TSPAN32: variants seen among roughly 807,000 people sequenced by gnomAD.
TSPAN32 encodes the protein tetraspanin-32.
In TSPAN32, 47 loss-of-function variants were observed where a neutral mutation model predicts 42.7. That is an observed-to-expected ratio of 1.10 (90% confidence interval 0.87 to 1.40). The LOEUF is 1.40. Among genes scored for constraint, TSPAN32 ranks in the 40% most tolerant of loss-of-function variants. The pLI is 0.00. For synonymous variants in TSPAN32, 175 were observed against 175.9 expected (o/e 0.99, Z 0.04); for missense variants, 469 against 424.1 (o/e 1.11, Z -0.93).
In TSPAN32 at chr11:2,316,582, G is replaced by A. The variant is rs778304554; in HGVS notation, c.634G>A (p.Ala212Thr). ...GCGGGTGTCTCCCTCCCAGGTGTCC[G>A]CCTTGCTCTTCAGCTCCTTCCTGTG... ...TSIGLALTVS[A>T]LLFSSFLWFA... The change falls in exon 8 of 10, where the codon GCC (alanine) becomes ACC (threonine). Residue 212 changes from alanine to threonine, a missense_variant. By Grantham distance (58) the Ala-to-Thr change is moderately conservative. Transcript: ENST00000182290. 82 of 1,586,640 alleles carry A rather than the reference G, an allele frequency of 5.2e-5. No homozygotes were observed. The Admixed American group carries it at 9.4e-4, about 18-fold the overall frequency.
intron 4 of TSPAN32, among the ~76,000 whole-genome samples, chr11:2,311,228 A>G (rs1023964911): frequency 2.0e-5 from 3 of 151,690 alleles, no homozygotes; most frequent in Non-Finnish European, 4.4e-5. Context: ...GTGGCCACAG[A>G]CCCGGGCCCA....
chr11:2,307,728 T>C lies in TSPAN32; in HGVS notation c.280-1008T>C, dbSNP rs757459468. 6.4e-4 allele frequency among the ~76,000 whole-genome samples: 97 copies of C among 150,710 alleles called. No homozygotes were observed. In the Middle Eastern group the frequency reaches 0.02, roughly 32 times the overall value. On this transcript the variant is annotated intron_variant, in intron 3 of 9. Coordinates refer to ENST00000182290, the MANE Select transcript of TSPAN32 (RefSeq NM_139022.3). ...ACAACGGGCAAGTGCCGGGGGCGGG[T>C]GCGCAGACGTTTCCACCAGAGAACG... is the stretch of plus-strand genomic sequence containing the variant.
At chr11:2,315,226 A>G in intron 6 of TSPAN32, 1 of 1,195,796 alleles carries the variant, frequency 8.4e-7, no homozygotes, top group East Asian at 8.1e-5. Context: ...TCCTGGAAAC[A>G]AACCCACCCT....
intron 3 of TSPAN32, among the ~76,000 whole-genome samples, chr11:2,307,482 C>T (rs1388113445): frequency 6.6e-6 from 1 of 152,126 alleles, no homozygotes; most frequent in Non-Finnish European, 1.5e-5. Context: ...GCTAGACTCA[C>T]CGTCAGGTAC....
At chr11:2,308,143 G>T (rs1057451704) in intron 3 of TSPAN32, among the ~76,000 whole-genome samples, 1 of 152,126 alleles carries the variant, frequency 6.6e-6, no homozygotes, top group Admixed American at 6.5e-5. Flanking sequence ...CCATCAACAG[G>T]CCCCTGGGGG....
At chr11:2,307,195 G>T (rs1045930159) in intron 3 of TSPAN32, among the ~76,000 whole-genome samples, 1 of 152,144 alleles carries the variant, frequency 6.6e-6, no homozygotes, top group Non-Finnish European at 1.5e-5. Flanking sequence ...CTGTGCTTGG[G>T]GGCCAGCAGG....
At chr11:2,306,775 A>G in intron 3 of TSPAN32, among the ~76,000 whole-genome samples, 1 of 124,936 alleles carries the variant, frequency 8.0e-6, no homozygotes, top group Non-Finnish European at 1.7e-5. Context: ...AGGAGGGAGA[A>G]AGAGGGAGAG....
intron 4 of TSPAN32, chr11:2,309,173 G>T (rs1020616161): frequency 5.1e-6 from 2 of 389,154 alleles, no homozygotes. Context: ...GGCCTTAGGG[G>T]TTGACTAGAA....
In TSPAN32 at chr11:2,314,521, C is replaced by G; in HGVS notation, c.493C>G (p.Leu165Val). The G allele has an allele frequency of 6.2e-7, 1 of 1,612,600 alleles. No individual in the cohort carries two copies. Among genetic ancestry groups the G allele is most frequent in the South Asian group, 1.1e-5 (1 of 90,554 alleles). Reference protein sequence around the residue: ...CCGKKSPFSRLGSTEADLCQG... With the variant: ...CCGKKSPFSRVGSTEADLCQG... ...TGGGAAGAAGTCTCCTTTCAGCCGTCTGGGGAGCACAGAGGCTGACCTGTG... is the reference window on the plus strand; with the variant it reads ...TGGGAAGAAGTCTCCTTTCAGCCGTGTGGGGAGCACAGAGGCTGACCTGTG... The change falls in exon 6 of 10, where the codon CTG becomes GTG. Residue 165 changes from leucine (L) to valine (V), a missense_variant. Coordinates refer to ENST00000182290, the MANE Select transcript of TSPAN32 (RefSeq NM_139022.3).
Position 2,308,696 on chromosome 11 carries a change from G to C in TSPAN32, c.280-40G>C, listed in dbSNP as rs771651826. The C allele has an allele frequency of 2.5e-6, 3 of 1,194,464 alleles. No individual in the cohort carries two copies. In the East Asian group the frequency reaches 7.9e-5, roughly 31 times the overall value. The allele number at this position is 1,194,464 out of a possible 1,614,324, so 74.0% of individuals were successfully genotyped here. A position where few individuals can be genotyped will look rare whatever the true frequency, so the allele number is the denominator to read the frequency against. ...CCAGCAGCGACCAGCCCCCCGCAGTGACCAGCCCTCAACAGTGACCAGCCC... is the reference window on the plus strand; with the variant it reads ...CCAGCAGCGACCAGCCCCCCGCAGTCACCAGCCCTCAACAGTGACCAGCCC... On this transcript the variant is annotated intron_variant, in intron 3 of 9. Coordinates refer to ENST00000182290, the MANE Select transcript of TSPAN32 (RefSeq NM_139022.3).
At position 2,304,088 on chromosome 11, in the gene TSPAN32, C is replaced by A; in HGVS notation, c.182-19C>A. 2 of 1,561,138 alleles carry A rather than the reference C, an allele frequency of 1.3e-6. No homozygotes were observed. The highest frequency in any genetic ancestry group is 1.7e-6 in the Non-Finnish European group (2 of 1,151,310). ...TGTCCTGGGCACCCCTAACCCTCCT[C>A]CTCTCTCCTCCCAACCAGCCTTCTC... On this transcript the variant is annotated intron_variant, in intron 2 of 9. Coordinates refer to ENST00000182290, the MANE Select transcript of TSPAN32 (RefSeq NM_139022.3). This position sits in a 1 kb window ranked among gnomAD's most constrained non-coding sequence, Gnocchi z 4.8.
rs377749004 is a variant in TSPAN32 at position 2,313,065 on chromosome 11, G to A, written c.355-589G>A. 3.9e-5 allele frequency among the ~76,000 whole-genome samples: 6 copies of A among 152,160 alleles called. No homozygotes were observed. The highest frequency in any genetic ancestry group is 9.7e-5 in the African/African-American group (4 of 41,442). ...CAGGCAGCACATCCAGCCAGGCCCC[G>A]TCACCTTCCACCTTCTTCACCCCCT... On this transcript the variant is annotated intron_variant, in intron 4 of 9. Transcript: ENST00000182290. This position sits in a 1 kb window ranked among gnomAD's most constrained non-coding sequence, Gnocchi z 9.1.
chr11:2,316,067 C>T, intron 6 of TSPAN32, 162 bp from the exon 7 acceptor site: 14 of 1,533,952 alleles, frequency 9.1e-6, no homozygotes, highest in Non-Finnish European at 1.2e-5. Context: ...TGCTGCCTTT[C>T]CCTAGAGCCC....
chr11:2,317,902 C>A lies in TSPAN32; in HGVS notation c.941C>A (p.Pro314His). 7.8e-7 allele frequency: 1 copy of A among 1,283,368 alleles called. No individual in the cohort carries two copies. Among genetic ancestry groups the A allele is most frequent in the African/African-American group, 1.5e-5 (1 of 68,554 alleles). 79.5% of individuals were successfully genotyped at this position (1,283,368 alleles called of 1,614,324 possible). The change falls in exon 10 of 10, where the codon CCT (proline) becomes CAT (histidine). Residue 314 changes from proline (P) to histidine (H), a missense_variant. Transcript: ENST00000182290. The surrounding 1 kb of genome is among the most constrained non-coding windows in gnomAD (Gnocchi z 6.2). Reference protein sequence around the residue: ...GRSRGGLSGCPERGLSD With the variant: ...GRSRGGLSGCHERGLSD ...AGTCGCGGTGGGCTCAGTGGGTGCC[C>A]TGAGCGGGGTCTCTCAGACTGACGT...
intron 6 of TSPAN32, chr11:2,315,107 G>C: frequency 2.0e-6 from 1 of 492,758 alleles, no homozygotes; most frequent in Non-Finnish European, 2.9e-6. Flanking sequence ...TTCCTCCCCA[G>C]GGCCCTGGGA....
intron 4 of TSPAN32, among the ~76,000 whole-genome samples, chr11:2,312,436 G>C (rs979710077): frequency 2.0e-5 from 3 of 152,370 alleles, no homozygotes; most frequent in African/African-American, 7.2e-5. Context: ...TGGGCACTGC[G>C]GGGAGGACAA....
Position 2,316,355 on chromosome 11 carries a change from C to T in TSPAN32, c.627+43C>T, listed in dbSNP as rs373255755. ...TCACTGCCCCTTCCCACCTCCTGCC[C>T]CTCAGCCTGCCCAGCCCCCGACTCA... On this transcript the variant is annotated intron_variant, in intron 7 of 9. Transcript: ENST00000182290. The T allele has an allele frequency of 6.6e-5, 103 of 1,561,986 alleles. No homozygotes were observed. In the African/African-American group the frequency reaches 1.2e-3, roughly 18 times the overall value.
At chr11:2,303,746 C>G (rs1847905068) in intron 2 of TSPAN32, among the ~76,000 whole-genome samples, 1 of 152,166 alleles carries the variant, frequency 6.6e-6, no homozygotes, top group African/African-American at 2.4e-5. Flanking sequence ...GGCCACTTGT[C>G]ACTAGGACAT....
At chr11:2,305,466 G>A (rs995993355) in intron 3 of TSPAN32, among the ~76,000 whole-genome samples, 1 of 152,166 alleles carries the variant, frequency 6.6e-6, no homozygotes, top group African/African-American at 2.4e-5. Context: ...GGTCAGAGCT[G>A]GAGGCCCAGA....
Sources: allele counts gnomAD v4.1 joint callset (sites outside exome capture counted in the v4.1 genomes callset), GRCh38; gene constraint gnomAD v4.1.1; non-coding constraint Gnocchi (gnomAD v3.1); transcripts MANE v1.5; gene names NCBI Gene and HGNC (gene_info 2026-07-23, HGNC 2026-07-21).